Variants in AKAP6 observed in about 807,000 individuals in gnomAD.
AKAP6 encodes the protein A-kinase anchoring protein 6.
AKAP6 carries 58 observed loss-of-function variants against 188.5 expected under a neutral mutation model. The ratio of observed to expected loss-of-function variants is 0.31; its 90% CI spans 0.25 to 0.38. The LOEUF (loss-of-function observed/expected upper bound fraction) is 0.38. Among genes scored for constraint, AKAP6 ranks in the 10% least tolerant of loss-of-function variants. AKAP6 has a pLI of 1.00. For synonymous variants in AKAP6, 989 were observed against 998.6 expected (o/e 0.99, Z 0.18); for missense variants, 2,710 against 2,740.0 (o/e 0.99, Z 0.24).
chr14:32,577,054 T>C (rs752244030), intron 4 of AKAP6, 66 bp from the exon 5 acceptor site: 58 of 1,550,046 alleles, frequency 3.7e-5, no homozygotes, highest in Non-Finnish European at 4.6e-5. Context: ...TATTGGCTTT[T>C]TACAGAATAA....
At position 32,688,397 on chromosome 14, in the gene AKAP6, T is replaced by C. The variant is rs147185346; in HGVS notation, c.2880-7593T>C. Among the ~76,000 whole-genome samples, 379 of 152,216 alleles carry C rather than the reference T, an allele frequency of 2.5e-3. 9 individuals are homozygous for C. In the East Asian group the frequency reaches 0.057, roughly 23 times the overall value. ...GGATCTGAGTCAACTTACAAAAATA[T>C]TGACAGTAAAATAGAATAAATATTA... is the stretch of plus-strand genomic sequence containing the variant. On this transcript the variant is annotated intron_variant, in intron 8 of 13. Coordinates refer to ENST00000280979, the MANE Select transcript of AKAP6 (RefSeq NM_004274.5).
intron 7 of AKAP6, among the ~76,000 whole-genome samples, chr14:32,621,301 T>G (rs1169062599): frequency 1.3e-5 from 2 of 152,132 alleles, no homozygotes; most frequent in African/African-American, 2.4e-5. Context: ...GACTTTTTGA[T>G]GTAGGCATTT....
intron 1 of AKAP6, among the ~76,000 whole-genome samples, chr14:32,378,917 C>CT (rs56131134): frequency 8.5e-5 from 10 of 117,752 alleles, no homozygotes; most frequent in Non-Finnish European, 1.8e-4. Flanking sequence ...GTCTTTCTTC[C>CT]TTTTTTTTTT....
Position 32,545,977 on chromosome 14 carries a change from C to A in AKAP6, c.1324C>A (p.Gln442Lys). 4 of 1,614,212 alleles carry A rather than the reference C, an allele frequency of 2.5e-6. No individual in the cohort carries two copies. The change falls in exon 4 of 14, where the codon CAG becomes AAG. Residue 442 changes from glutamine (Q) to lysine (K), a missense_variant. Physicochemically the swap from Gln to Lys is moderately conservative, Grantham distance 53 (BLOSUM62 1). This residue lies in a region of AKAP6 where 2,473 missense variants were observed against 2,426.1 expected (regional missense o/e 1.02). Coordinates refer to ENST00000280979, the MANE Select transcript of AKAP6 (RefSeq NM_004274.5). ...CAGATCCAAACTTTGCCTGGTATTG[C>A]AGTCTTCTTACCCCAACAGCCCTTC... The part of the protein sequence containing the change: ...PDRSKLCLVL[Q>K]SSYPNSPSAA...
At chr14:32,707,163 T>C (rs1193596791) in intron 9 of AKAP6, among the ~76,000 whole-genome samples, 1 of 149,558 alleles carries the variant, frequency 6.7e-6, no homozygotes, top group Non-Finnish European at 1.5e-5. Flanking sequence ...TATATACACG[T>C]ATACAAAGTA....
chr14:32,710,990 G>A (rs1891034663), intron 9 of AKAP6, among the ~76,000 whole-genome samples: 1 of 151,956 alleles, frequency 6.6e-6, no homozygotes, highest in African/African-American at 2.4e-5. Flanking sequence ...GTGACCATGT[G>A]GCCAGCATGC....
At chr14:32,758,414 A>G in intron 11 of AKAP6, among the ~76,000 whole-genome samples, 1 of 152,198 alleles carries the variant, frequency 6.6e-6, no homozygotes, top group Non-Finnish European at 1.5e-5. Flanking sequence ...ATAGGTAATA[A>G]ACCTGTATCA....
intron 1 of AKAP6, among the ~76,000 whole-genome samples, chr14:32,330,874 T>C (rs954406116): frequency 6.6e-6 from 1 of 151,974 alleles, no homozygotes; most frequent in Admixed American, 6.6e-5. Context: ...GTTTCTGACA[T>C]GCAGCTGTAT....
At chr14:32,584,535 G>A (rs912784146) in intron 5 of AKAP6, among the ~76,000 whole-genome samples, 3 of 152,080 alleles carry the variant, frequency 2.0e-5, no homozygotes, top group African/African-American at 7.2e-5. Context: ...TTGACAATCT[G>A]ACAAATATAT....
intron 1 of AKAP6, among the ~76,000 whole-genome samples, chr14:32,430,212 G>T (rs1448201890): frequency 6.6e-6 from 1 of 152,128 alleles, no homozygotes; most frequent in Non-Finnish European, 1.5e-5. Context: ...GAAATCTCTG[G>T]ATAAATAACC....
At chr14:32,624,049 G>A (rs1055025066) in intron 7 of AKAP6, among the ~76,000 whole-genome samples, 1 of 152,076 alleles carries the variant, frequency 6.6e-6, no homozygotes, top group African/African-American at 2.4e-5. Context: ...AATGCAGCGG[G>A]ATGGCCTCCT....
At chr14:32,394,596 T>C (rs924667948) in intron 1 of AKAP6, among the ~76,000 whole-genome samples, 14 of 152,348 alleles carry the variant, frequency 9.2e-5, no homozygotes, top group African/African-American at 3.1e-4. Flanking sequence ...CGTAGTTCTC[T>C]TTCCCTTTCT....
chr14:32,660,924 A>ACCCCCCCCCCCCC (rs1240351554), intron 7 of AKAP6, among the ~76,000 whole-genome samples: 2 of 41,066 alleles, frequency 4.9e-5, no homozygotes, highest in African/African-American at 1.1e-4. Context: ...CTTCCCCGCC[A>ACCCCCCCCCCCCC]CCCCCCCCCC....
chr14:32,774,219 C>A (rs2032986470), intron 12 of AKAP6, among the ~76,000 whole-genome samples: 1 of 152,190 alleles, frequency 6.6e-6, no homozygotes, highest in Non-Finnish European at 1.5e-5. Flanking sequence ...TTCTTTCAAT[C>A]ATTCCTTCAC....
chr14:32,585,690 G>A (rs1885203625), intron 5 of AKAP6, among the ~76,000 whole-genome samples: 1 of 152,132 alleles, frequency 6.6e-6, no homozygotes, highest in African/African-American at 2.4e-5. Flanking sequence ...ACTTCTTGTA[G>A]GATAAGCAAA....
chr14:32,508,931 TCTC>T (rs1423388343), intron 2 of AKAP6, among the ~76,000 whole-genome samples: 1 of 151,638 alleles, frequency 6.6e-6, no homozygotes, highest in Non-Finnish European at 1.5e-5. Context: ...GTTCAGCGAT[TCTC>T]CTGCCTCAGC....
intron 3 of AKAP6, among the ~76,000 whole-genome samples, chr14:32,541,599 C>T (rs1006952443): frequency 2.0e-5 from 3 of 151,952 alleles, no homozygotes; most frequent in Admixed American, 6.6e-5. Flanking sequence ...ATAAGCACTG[C>T]GGTGCAGTAA....
At chr14:32,589,399 A>G (rs2139312707) in intron 5 of AKAP6, among the ~76,000 whole-genome samples, 1 of 152,320 alleles carries the variant, frequency 6.6e-6, no homozygotes, top group East Asian at 1.9e-4. Context: ...CTTTGGTGGC[A>G]CAGGGATGGA....
At chr14:32,611,379 G>A (rs1594781583) in intron 7 of AKAP6, among the ~76,000 whole-genome samples, 1 of 152,146 alleles carries the variant, frequency 6.6e-6, no homozygotes, top group East Asian at 1.9e-4. Flanking sequence ...TAAAGTACAG[G>A]AAAGTTTGAG....
Sources: gnomAD v4.1 joint callset for allele counts (sites outside exome capture counted in the v4.1 genomes callset) on GRCh38, gnomAD v4.1.1 for gene constraint, gnomAD v4.1.1 regional missense constraint, MANE v1.5 for transcripts, NCBI Gene and HGNC (gene_info 2026-07-23, HGNC 2026-07-21) for gene names.